The following SEPTIN9 variants were observed in gnomAD, a reference collection of about 807,000 sequenced individuals.
SEPTIN9 encodes septin-9.
SEPTIN9 carries 13 observed loss-of-function variants against 56.6 expected under a neutral mutation model. That is an observed-to-expected ratio of 0.23 (90% confidence interval 0.15 to 0.37). The LOEUF (loss-of-function observed/expected upper bound fraction) is 0.37, where lower values mean the gene tolerates loss of function less well. SEPTIN9 is among the 10% of genes least tolerant of loss of function. The probability of loss-of-function intolerance (pLI) is 1.00; values close to 1 mark genes in which losing one functional copy is unlikely to be tolerated. For synonymous variants in SEPTIN9, 332 were observed against 334.1 expected (o/e 0.99, Z 0.07); for missense variants, 650 against 823.1 (o/e 0.79, Z 2.57).
chr17:77,497,764 T>C (rs2040333812), intron 11 of SEPTIN9: 1 of 302,924 alleles, frequency 3.3e-6, no homozygotes, highest in South Asian at 3.7e-5. Context: ...GGCTGAGGCT[T>C]CTCCTTGTTT....
chr17:77,429,067 T>C lies in SEPTIN9; in HGVS notation c.721+26364T>C, dbSNP rs1015322809. Reference sequence around the variant, plus strand: ...CGCCCCCTGCTCCTGGTTGCAGATGTACCTGTTCTTGGCTATTTGTGCCCC... The same window carrying C: ...CGCCCCCTGCTCCTGGTTGCAGATGCACCTGTTCTTGGCTATTTGTGCCCC... On this transcript the variant is annotated intron_variant, in intron 3 of 11. Coordinates refer to ENST00000427177, the MANE Select transcript of SEPTIN9 (RefSeq NM_001113491.2). This position sits in a 1 kb window ranked among gnomAD's most constrained non-coding sequence, Gnocchi z 5.2. The C allele has an allele frequency of 2.1e-6, 1 of 471,538 alleles. No individual in the cohort carries two copies. The highest frequency in any genetic ancestry group is 2.0e-5 in the African/African-American group (1 of 50,094). The allele number at this position is 471,538 out of a possible 1,614,324, so 29.2% of individuals were successfully genotyped here.
chr17:77,344,911 G>A (rs1568004824), intron 2 of SEPTIN9, among the ~76,000 whole-genome samples: 1 of 141,200 alleles, frequency 7.1e-6, no homozygotes, highest in East Asian at 2.2e-4. Flanking sequence ...GGTGGAGGTT[G>A]CAGTGAGCCG....
At chr17:77,287,871 G>A (rs2031348321) in intron 1 of SEPTIN9, 1 of 1,029,366 alleles carries the variant, frequency 9.7e-7, no homozygotes, top group East Asian at 6.2e-5. Context: ...GGGAATGTAA[G>A]ATGATCCCAG....
At chr17:77,290,102 CT>C (rs967018338) in intron 1 of SEPTIN9, among the ~76,000 whole-genome samples, 1 of 152,114 alleles carries the variant, frequency 6.6e-6, no homozygotes, top group African/African-American at 2.4e-5. Context: ...CTCTCCCCAG[CT>C]GCTGGTGTGG....
Position 77,371,542 on chromosome 17 carries a change from GGGGCTGTGTTGTT to G in SEPTIN9, c.77-30510_77-30498del, listed in dbSNP as rs1299249541. 1.5e-4 allele frequency among the ~76,000 whole-genome samples: 23 copies of G among 152,354 alleles called. No individual in the cohort carries two copies. The highest frequency in any genetic ancestry group is 1.6e-4 in the Non-Finnish European group (11 of 68,040). On this transcript the variant is annotated intron_variant, in intron 2 of 11. Transcript: ENST00000427177. The surrounding 1 kb of genome is among the most constrained non-coding windows in gnomAD (Gnocchi z 4.1). The stretch of plus-strand genomic sequence containing the variant: ...GTGCCGGACCCGGCATCTTCCCAGG[GGGGCTGTGTTGTT>G]GGGCTGAGTTTCTTAGGTACTGGAC...
chr17:77,471,284 C>G (rs1311092202), intron 3 of SEPTIN9, among the ~76,000 whole-genome samples: 1 of 152,214 alleles, frequency 6.6e-6, no homozygotes, highest in Non-Finnish European at 1.5e-5. Context: ...CCCCTACCCC[C>G]AAGCAGGCCG....
chr17:77,377,025 G>C (rs979484688), intron 2 of SEPTIN9: 1 of 152,308 alleles, frequency 6.6e-6, no homozygotes, highest in Non-Finnish European at 1.5e-5. Context: ...AGGGTTCCCA[G>C]GAATGGAGAG....
chr17:77,297,074 T>TA (rs908112433), intron 1 of SEPTIN9, among the ~76,000 whole-genome samples: 2 of 151,932 alleles, frequency 1.3e-5, no homozygotes, highest in African/African-American at 4.8e-5. Flanking sequence ...GATAGATAGA[T>TA]AGGAAGGAAT....
At chr17:77,430,080 T>C (rs1408874304) in intron 3 of SEPTIN9, among the ~76,000 whole-genome samples, 2 of 151,986 alleles carry the variant, frequency 1.3e-5, no homozygotes, top group Non-Finnish European at 2.9e-5. Flanking sequence ...CTGGCCAGCC[T>C]CACTTTGTGG....
chr17:77,287,140 G>A (rs2031316933), intron 1 of SEPTIN9, among the ~76,000 whole-genome samples: 1 of 152,228 alleles, frequency 6.6e-6, no homozygotes, highest in Non-Finnish European at 1.5e-5. Flanking sequence ...CAACTGCCAG[G>A]TCATGGTGAT....
At position 77,355,593 on chromosome 17, in the gene SEPTIN9, G is replaced by T. The variant is rs567653915; in HGVS notation, c.77-46466G>T. Among the ~76,000 whole-genome samples, 7 of 152,238 alleles carry T rather than the reference G, an allele frequency of 4.6e-5. No individual in the cohort carries two copies. The South Asian group carries it at 1.5e-3, about 32-fold the overall frequency. On this transcript the variant is annotated intron_variant, in intron 2 of 11. Transcript: ENST00000427177. Reference sequence around the variant, plus strand: ...CATCAGATGCTCCTGCTTCTTGGTGGGTGGAGACCCTCAACCCATGCACCG... The same window carrying T: ...CATCAGATGCTCCTGCTTCTTGGTGTGTGGAGACCCTCAACCCATGCACCG...
At chr17:77,386,008 C>T (rs1490990034) in intron 2 of SEPTIN9, among the ~76,000 whole-genome samples, 3 of 152,160 alleles carry the variant, frequency 2.0e-5, no homozygotes, top group Admixed American at 6.5e-5. Flanking sequence ...TCCAGCCCTT[C>T]CTGTTCCTCA....
intron 2 of SEPTIN9, among the ~76,000 whole-genome samples, chr17:77,372,402 A>G (rs533233692): frequency 2.5e-4 from 38 of 151,370 alleles, no homozygotes; most frequent in Admixed American, 4.6e-4. Context: ...TGTGGATGAT[A>G]TAGTTTAAGG....
intron 2 of SEPTIN9, among the ~76,000 whole-genome samples, chr17:77,350,896 G>A (rs1382806149): frequency 6.6e-6 from 1 of 152,066 alleles, no homozygotes; most frequent in Non-Finnish European, 1.5e-5. Context: ...GAAGCCTGAG[G>A]ACCCTGCAGA....
chr17:77,491,016 C>T (rs147150704), intron 8 of SEPTIN9, among the ~76,000 whole-genome samples, 157 bp downstream of exon 8: 3 of 152,294 alleles, frequency 2.0e-5, no homozygotes, highest in Non-Finnish European at 4.4e-5. Flanking sequence ...GTCCCTGGCC[C>T]AGGTGGCTGC....
At chr17:77,403,122 C>T (rs927546461) in intron 3 of SEPTIN9, among the ~76,000 whole-genome samples, 1 of 152,094 alleles carries the variant, frequency 6.6e-6, no homozygotes, top group South Asian at 2.1e-4. Context: ...AGGGCTGTCA[C>T]ATTCTGGTGG....
intron 1 of SEPTIN9, among the ~76,000 whole-genome samples, chr17:77,282,532 CG>C (rs779622889): frequency 3.3e-5 from 5 of 152,208 alleles, no homozygotes; most frequent in Admixed American, 6.5e-5. Flanking sequence ...AAGGAGTCAT[CG>C]GGGCCATCCC....
Position 77,498,859 on chromosome 17 carries a change from G to C in SEPTIN9, c.*201G>C. 1.6e-6 allele frequency: 1 copy of C among 616,660 alleles called. No homozygotes were observed. Among genetic ancestry groups the C allele is most frequent in the Non-Finnish European group, 3.0e-6 (1 of 330,044 alleles). 38.2% of individuals were successfully genotyped at this position (616,660 alleles called of 1,614,324 possible). On this transcript the variant is annotated 3_prime_UTR_variant, in exon 12 of 12. Coordinates refer to ENST00000427177, the MANE Select transcript of SEPTIN9 (RefSeq NM_001113491.2). ...GAGGCCGCGGCCTCCCCGAGGTTGT[G>C]GGGAGGCTGCACTGGAGCCACAGGC...
intron 3 of SEPTIN9, among the ~76,000 whole-genome samples, chr17:77,471,512 GC>G (rs1190327297): frequency 2.0e-5 from 3 of 152,256 alleles, no homozygotes; most frequent in Non-Finnish European, 4.4e-5. Context: ...CGGAGCCCCA[GC>G]CCCCACAGCC....
Sources: gnomAD v4.1 joint callset for allele counts (sites outside exome capture counted in the v4.1 genomes callset) on GRCh38, gnomAD v4.1.1 for gene constraint, Gnocchi (gnomAD v3.1) non-coding constraint, MANE v1.5 for transcripts, NCBI Gene and HGNC (gene_info 2026-07-23, HGNC 2026-07-21) for gene names.